The following TTC3 variants were observed in gnomAD, a reference collection of about 807,000 sequenced individuals.
The protein encoded by TTC3 is E3 ubiquitin-protein ligase TTC3.
TTC3 carries 180 observed loss-of-function variants against 249.6 expected under a neutral mutation model. The observed-to-expected ratio is 0.72, with a 90% CI of 0.64 to 0.82. The LOEUF is 0.82. Among genes scored for constraint, TTC3 ranks in the 40% least tolerant of loss-of-function variants. TTC3 has a pLI of 0.00. For missense variants in TTC3, 2,061 were observed against 2,398.4 expected, an observed-to-expected ratio of 0.86 and a Z score of 2.94; for synonymous variants, 717 against 805.0, an observed-to-expected ratio of 0.89 and a Z score of 1.85.
intron 10 of TTC3, among the ~76,000 whole-genome samples, chr21:37,100,252 T>C (rs1568912590): frequency 1.3e-5 from 2 of 152,206 alleles, no homozygotes; most frequent in Non-Finnish European, 2.9e-5. Flanking sequence ...CATTGGTACA[T>C]GGGTGTTCAT....
At chr21:37,123,773 G>C (rs1219694574) in intron 13 of TTC3, among the ~76,000 whole-genome samples, 1 of 151,308 alleles carries the variant, frequency 6.6e-6, no homozygotes, top group Non-Finnish European at 1.5e-5. Flanking sequence ...TTTTGAGACG[G>C]AGTCTCACTC....
chr21:37,074,655 A>ATT (rs5843790), intron 1 of TTC3, among the ~76,000 whole-genome samples: 3 of 151,752 alleles, frequency 2.0e-5, no homozygotes, highest in African/African-American at 7.3e-5. Context: ...TAGTTAGGAC[A>ATT]TTTTTTGTTG....
chr21:37,101,743 G>A (rs2074523236), intron 10 of TTC3, among the ~76,000 whole-genome samples: 1 of 151,180 alleles, frequency 6.6e-6, no homozygotes, highest in Admixed American at 6.6e-5. Flanking sequence ...TCTTTAAATG[G>A]GTAGGAACAT....
At chr21:37,143,339 T>C (rs1012406095) in intron 20 of TTC3, among the ~76,000 whole-genome samples, 2 of 152,162 alleles carry the variant, frequency 1.3e-5, no homozygotes, top group South Asian at 2.1e-4. Flanking sequence ...ATTTTTGCAA[T>C]CTACTCATCT....
At chr21:37,143,845 A>C (rs1214652198) in intron 20 of TTC3, among the ~76,000 whole-genome samples, 1 of 103,864 alleles carries the variant, frequency 9.6e-6, no homozygotes, top group African/African-American at 4.4e-5. Flanking sequence ...AACCAACCCA[A>C]ATGTCCCTCA....
exon 27 of TTC3, chr21:37,153,158 T>C (rs2079645195): frequency 6.2e-7 from 1 of 1,614,158 alleles, no homozygotes; most frequent in East Asian, 2.2e-5. Context: ...GACTATGTTA[T>C]TCGCCACTTG....
At chr21:37,088,288 C>T (rs1568869554) in exon 4 of TTC3, 1 of 1,613,682 alleles carries the variant, frequency 6.2e-7, no homozygotes, top group South Asian at 1.1e-5. Context: ...CTGGCCACTT[C>T]TGTTTCAACA....
chr21:37,074,876 C>G (rs1354189659), intron 1 of TTC3, among the ~76,000 whole-genome samples: 1 of 152,096 alleles, frequency 6.6e-6, no homozygotes, highest in Non-Finnish European at 1.5e-5. Flanking sequence ...TGGAATATTT[C>G]AGATATCAAA....
intron 16 of TTC3, among the ~76,000 whole-genome samples, chr21:37,130,256 A>T (rs936057212): frequency 6.6e-6 from 1 of 152,092 alleles, no homozygotes; most frequent in African/African-American, 2.4e-5. Context: ...AGGATATAGC[A>T]TATTATTATG....
In TTC3 at chr21:37,116,302, C is replaced by T. The variant is rs571271033; in HGVS notation, c.901-5515C>T. 3.3e-5 allele frequency among the ~76,000 whole-genome samples: 5 copies of T among 152,182 alleles called. No homozygotes were observed. The South Asian group carries it at 1.0e-3, about 32-fold the overall frequency. On this transcript the variant is annotated intron_variant, in intron 11 of 45. Coordinates refer to ENST00000355666, the Ensembl canonical transcript of TTC3. ...AGGCTGGAAAAATATCTATCGAGTT[C>T]ATGATAGTGTTTGCTTCTGGGCAGT...
chr21:37,104,297 GTGCCT>G (rs1210823114), intron 10 of TTC3, among the ~76,000 whole-genome samples: 1 of 152,126 alleles, frequency 6.6e-6, no homozygotes, highest in Non-Finnish European at 1.5e-5. Context: ...CTGAATCGAA[GTGCCT>G]TTGAAGGCCA....
intron 35 of TTC3, 138 bp downstream of exon 35, chr21:37,172,882 C>T (rs2081932265): frequency 9.3e-7 from 1 of 1,073,170 alleles, no homozygotes; most frequent in Non-Finnish European, 1.3e-6. Flanking sequence ...TCGCCTGCTT[C>T]AGATTTCTTC....
At chr21:37,085,899 A>G (rs1046540070) in intron 1 of TTC3, 2 of 152,252 alleles carry the variant, frequency 1.3e-5, no homozygotes, top group African/African-American at 4.8e-5. Context: ...AGCAGAAGCT[A>G]TGGCAACTAA....
intron 32 of TTC3, among the ~76,000 whole-genome samples, chr21:37,164,532 T>A (rs2081077323): frequency 6.6e-6 from 1 of 152,068 alleles, no homozygotes; most frequent in Admixed American, 6.6e-5. Context: ...AGAGAAGGGT[T>A]TCACCATGTT....
At chr21:37,153,412 C>G (rs1601826403) in intron 27 of TTC3, 135 bp downstream of exon 27, 1 of 881,846 alleles carries the variant, frequency 1.1e-6, no homozygotes, top group East Asian at 2.8e-5. Flanking sequence ...GTTAAGAATA[C>G]TTTTCCAGTC....
At chr21:37,200,052 A>G (rs2085335862) in intron 44 of TTC3, among the ~76,000 whole-genome samples, 180 bp from the exon 45 acceptor site, 1 of 152,114 alleles carries the variant, frequency 6.6e-6, no homozygotes, top group South Asian at 2.1e-4. Flanking sequence ...GTATTTTTAT[A>G]TTTTTTCTTA....
chr21:37,091,276 T>C lies in TTC3; in HGVS notation c.481-17T>C, dbSNP rs1373231281. The stretch of plus-strand genomic sequence containing the variant: ...TTAATAACCAAAGCCCCATTCTTCA[T>C]TTCTCTTTTGAAACAGAAAATCTTG... On this transcript the variant is annotated splice_polypyrimidine_tract_variant and intron_variant, in intron 6 of 45. Transcript: ENST00000355666. 6.2e-7 allele frequency: 1 copy of C among 1,603,672 alleles called. No individual in the cohort carries two copies. Among genetic ancestry groups the C allele is most frequent in the Non-Finnish European group, 8.5e-7 (1 of 1,176,592 alleles).
At chr21:37,093,786 G>C (rs1351842219) in intron 7 of TTC3, among the ~76,000 whole-genome samples, 2 of 152,026 alleles carry the variant, frequency 1.3e-5, no homozygotes, top group Non-Finnish European at 2.9e-5. Flanking sequence ...TTCATAGCAA[G>C]CAATAACTGA....
chr21:37,159,492 A>AT (rs1601871289), intron 28 of TTC3: 2 of 561,514 alleles, frequency 3.6e-6, no homozygotes, highest in Non-Finnish European at 6.2e-6. Flanking sequence ...GCTGAATCAG[A>AT]TTGAAGTTTT....
Sources: gnomAD v4.1 joint callset for allele counts (sites outside exome capture counted in the v4.1 genomes callset) on GRCh38, gnomAD v4.1.1 for gene constraint, MANE v1.5 for transcripts, NCBI Gene and HGNC (gene_info 2026-07-23, HGNC 2026-07-21) for gene names.